The following TMEM45B variants were observed in gnomAD, a reference collection of about 807,000 sequenced individuals.
The protein encoded by TMEM45B is transmembrane protein 45B.
In TMEM45B, 29 loss-of-function variants were observed where a neutral mutation model predicts 27.3. That is an observed-to-expected ratio of 1.06 (90% CI 0.79 to 1.45). The LOEUF (loss-of-function observed/expected upper bound fraction) is 1.45. TMEM45B is among the 40% of genes most tolerant of loss of function. TMEM45B has a pLI of 0.00. For synonymous variants in TMEM45B, 143 were observed against 134.7 expected (o/e 1.06, Z -0.43); for missense variants, 348 against 343.9 (o/e 1.01, Z -0.09).
chr11:129,828,142 C>T (rs756264168), intron 1 of TMEM45B: 1 of 152,140 alleles, frequency 6.6e-6, no homozygotes, highest in African/African-American at 2.4e-5. Flanking sequence ...GTATTATTTC[C>T]TTAGCACCCA....
At chr11:129,833,261 A>T (rs1178610844) in intron 1 of TMEM45B, among the ~76,000 whole-genome samples, 1 of 151,356 alleles carries the variant, frequency 6.6e-6, no homozygotes, top group Non-Finnish European at 1.5e-5. Flanking sequence ...AGAAAAATAA[A>T]AAAAAAAAAA....
chr11:129,851,095 C>T (rs1055679283), intron 1 of TMEM45B, among the ~76,000 whole-genome samples: 6 of 152,202 alleles, frequency 3.9e-5, no homozygotes, highest in Admixed American at 2.6e-4. Context: ...AGTCCAAGAT[C>T]AAGGCAGCAG....
At chr11:129,855,959 G>A (rs746652889) in intron 4 of TMEM45B, 67 bp downstream of exon 4, 112 of 1,569,876 alleles carry the variant, frequency 7.1e-5, no homozygotes, top group Non-Finnish European at 9.2e-5. Flanking sequence ...GCATCCCAGA[G>A]AAATCCCTGA....
rs79612940 is a variant in TMEM45B at position 129,840,321 on chromosome 11, G to A, written c.-8-12154G>A. 3.0e-3 allele frequency among the ~76,000 whole-genome samples: 456 copies of A among 152,334 alleles called. 4 individuals carry two copies. The East Asian group carries it at 0.044, about 15-fold the overall frequency. On this transcript the variant is annotated intron_variant, in intron 1 of 5. Coordinates refer to ENST00000281441, the MANE Select transcript of TMEM45B (RefSeq NM_138788.5). ...GTGTGAATTTTAGACGAGGTAAAAGGGAAGGGTGGGTCTTGACAAGCTGGT... is the reference window on the plus strand; with the variant it reads ...GTGTGAATTTTAGACGAGGTAAAAGAGAAGGGTGGGTCTTGACAAGCTGGT...
intron 5 of TMEM45B, 73 bp from the exon 6 acceptor site, chr11:129,858,501 G>T: frequency 1.2e-5 from 12 of 989,500 alleles, no homozygotes; most frequent in Non-Finnish European, 1.8e-5. Context: ...AGAATCAGTA[G>T]ATGCCTTCAC....
chr11:129,836,292 G>GAGA (rs34096343), intron 1 of TMEM45B, among the ~76,000 whole-genome samples: 139,212 of 151,710 alleles, frequency 0.92, 64,017 homozygotes, highest in East Asian at 1. Flanking sequence ...TTCACAGCTG[G>GAGA]AGAATTTTGC....
At chr11:129,847,668 G>C (rs1004954185) in intron 1 of TMEM45B, among the ~76,000 whole-genome samples, 2 of 151,782 alleles carry the variant, frequency 1.3e-5, no homozygotes, top group Non-Finnish European at 2.9e-5. Context: ...ACCCTGAGTG[G>C]ACACAGCACA....
At chr11:129,845,271 ATG>A (rs10537485) in intron 1 of TMEM45B, among the ~76,000 whole-genome samples, 100,082 of 140,286 alleles carry the variant, frequency 0.71, 35,950 homozygotes, top group East Asian at 0.87. Context: ...GTGTGTGTGT[ATG>A]TGTGTGTGTG....
intron 1 of TMEM45B, among the ~76,000 whole-genome samples, chr11:129,825,074 C>T (rs1947462160): frequency 6.6e-6 from 1 of 152,086 alleles, no homozygotes; most frequent in African/African-American, 2.4e-5. Flanking sequence ...TTTCCATCCT[C>T]CAGTAGTGTA....
At chr11:129,843,926 C>T (rs1019160013) in intron 1 of TMEM45B, among the ~76,000 whole-genome samples, 2 of 152,284 alleles carry the variant, frequency 1.3e-5, no homozygotes, top group South Asian at 2.1e-4. Flanking sequence ...CCCTATGATC[C>T]AGCAATTTCA....
intron 4 of TMEM45B, among the ~76,000 whole-genome samples, chr11:129,856,598 C>T (rs1483177897): frequency 7.8e-6 from 1 of 128,114 alleles, no homozygotes; most frequent in African/African-American, 3.1e-5. Flanking sequence ...CTCGCTTTGT[C>T]GCCCAGGCTG....
chr11:129,825,287 A>G (rs1947464969), intron 1 of TMEM45B, among the ~76,000 whole-genome samples: 1 of 152,060 alleles, frequency 6.6e-6, no homozygotes, highest in Non-Finnish European at 1.5e-5. Context: ...TTTGGGGGCA[A>G]TGGTGAGGGG....
chr11:129,850,158 T>TG (rs55745719), intron 1 of TMEM45B, among the ~76,000 whole-genome samples: 24,819 of 151,796 alleles, frequency 0.16, 2,152 homozygotes, highest in South Asian at 0.28. Flanking sequence ...CGTTTTTTTT[T>TG]TTGTTGATGT....
chr11:129,849,349 A>T (rs1947812304), intron 1 of TMEM45B, among the ~76,000 whole-genome samples: 1 of 152,218 alleles, frequency 6.6e-6, no homozygotes, highest in African/African-American at 2.4e-5. Context: ...ACAGGTCTCA[A>T]GTGAGTCCAA....
In TMEM45B at chr11:129,858,719, A is replaced by G. The variant is rs528490569; in HGVS notation, c.*34A>G. 2 of 1,471,556 alleles carry G rather than the reference A, an allele frequency of 1.4e-6. No individual in the cohort carries two copies. The highest frequency in any genetic ancestry group is 2.5e-5 in the East Asian group (1 of 40,410). The allele number at this position is 1,471,556 out of a possible 1,614,324, so 91.2% of individuals were successfully genotyped here. A position where few individuals can be genotyped will look rare whatever the true frequency, so the allele number is the denominator to read the frequency against. ...GCGGAGGGCGCAGATGTCCCACTGCACAGCTGGAATGAATGGAGTTCATCC... is the reference window on the plus strand; with the variant it reads ...GCGGAGGGCGCAGATGTCCCACTGCGCAGCTGGAATGAATGGAGTTCATCC... On this transcript the variant is annotated 3_prime_UTR_variant, in exon 6 of 6. Coordinates refer to ENST00000281441, the MANE Select transcript of TMEM45B (RefSeq NM_138788.5).
intron 1 of TMEM45B, among the ~76,000 whole-genome samples, chr11:129,820,282 C>T (rs1474679551): frequency 6.6e-6 from 1 of 152,018 alleles, no homozygotes; most frequent in African/African-American, 2.4e-5. Context: ...GCCACTTGCA[C>T]TCCAGCCTGG....
intron 1 of TMEM45B, among the ~76,000 whole-genome samples, chr11:129,821,378 C>T (rs1456627645): frequency 1.3e-5 from 2 of 152,170 alleles, no homozygotes; most frequent in Admixed American, 1.3e-4. Context: ...AGTCTAGAAC[C>T]TCCACGGTCC....
intron 1 of TMEM45B, among the ~76,000 whole-genome samples, chr11:129,851,978 G>A (rs1175178952): frequency 6.6e-6 from 1 of 152,108 alleles, no homozygotes; most frequent in Non-Finnish European, 1.5e-5. Flanking sequence ...ATTATTTTGT[G>A]AATCATCCGT....
At chr11:129,830,166 A>G in intron 1 of TMEM45B, among the ~76,000 whole-genome samples, 1 of 152,198 alleles carries the variant, frequency 6.6e-6, no homozygotes, top group East Asian at 1.9e-4. Context: ...TGTCTCTATT[A>G]AAAATACAAA....
Sources: allele counts gnomAD v4.1 joint callset (sites outside exome capture counted in the v4.1 genomes callset), GRCh38; gene constraint gnomAD v4.1.1; transcripts MANE v1.5; gene names NCBI Gene and HGNC (gene_info 2026-07-23, HGNC 2026-07-21).